The following PTPRT variants were observed in gnomAD, a reference collection of about 807,000 sequenced individuals.
PTPRT encodes protein tyrosine phosphatase receptor type T, also known as receptor-type tyrosine-protein phosphatase T.
In PTPRT, 56 loss-of-function variants were observed where a neutral mutation model predicts 176.8. The observed-to-expected ratio is 0.32, with a 90% CI of 0.26 to 0.40. The LOEUF is 0.40. PTPRT is among the 10% of genes least tolerant of loss of function. PTPRT has a pLI of 1.00. For missense variants in PTPRT, 1,540 were observed against 1,908.2 expected (o/e 0.81, Z 3.60); for synonymous variants, 783 against 739.0 (o/e 1.06, Z -0.96).
At chr20:42,411,141 G>A (rs2059011551) in intron 9 of PTPRT, among the ~76,000 whole-genome samples, 1 of 152,090 alleles carries the variant, frequency 6.6e-6, no homozygotes, top group Admixed American at 6.6e-5. Flanking sequence ...AAAATCAAAA[G>A]CTGATTCTCT....
At chr20:42,064,334 C>T in the PTPRT span, among the ~76,000 whole-genome samples, 8 of 152,228 alleles carry the variant, frequency 5.3e-5, no homozygotes, top group South Asian at 2.1e-4. Context: ...TTTTAGTTTA[C>T]GGTAGAATTG....
intron 6 of PTPRT, among the ~76,000 whole-genome samples, chr20:42,747,285 G>A (rs1193461011): frequency 1.3e-5 from 2 of 152,144 alleles, no homozygotes; most frequent in Non-Finnish European, 2.9e-5. Context: ...TGTAAAGTAA[G>A]GACCTGAGCA....
intron 6 of PTPRT, among the ~76,000 whole-genome samples, chr20:42,713,305 C>CA (rs536272178): frequency 4.0e-5 from 6 of 151,850 alleles, no homozygotes; most frequent in East Asian, 1.9e-4. Context: ...TATATTACCA[C>CA]AAAAAAATGA....
chr20:42,532,932 T>A (rs767283837), intron 7 of PTPRT, among the ~76,000 whole-genome samples: 37 of 152,178 alleles, frequency 2.4e-4, no homozygotes, highest in Non-Finnish European at 4.0e-4. Flanking sequence ...GAGCTAGTTA[T>A]GCAAGTCGTT....
chr20:42,659,882 A>G (rs547361379), intron 7 of PTPRT, among the ~76,000 whole-genome samples: 2 of 152,254 alleles, frequency 1.3e-5, no homozygotes, highest in East Asian at 3.9e-4. Flanking sequence ...TGTCTGGTTA[A>G]TCCAAGATTC....
At chr20:43,081,265 GA>G (rs1217835200) in intron 1 of PTPRT, among the ~76,000 whole-genome samples, 2 of 152,192 alleles carry the variant, frequency 1.3e-5, no homozygotes, top group Non-Finnish European at 2.9e-5. Context: ...GGGAGGAGGA[GA>G]AAGTTTTTGC....
chr20:42,218,011 G>T (rs1347079261), intron 15 of PTPRT, among the ~76,000 whole-genome samples: 1 of 152,232 alleles, frequency 6.6e-6, no homozygotes, highest in Non-Finnish European at 1.5e-5. Context: ...GAACAGGTGG[G>T]ATTTGAGCCT....
chr20:43,140,630 A>G (rs187765321), intron 1 of PTPRT, among the ~76,000 whole-genome samples: 22 of 152,014 alleles, frequency 1.4e-4, no homozygotes, highest in African/African-American at 5.3e-4. Context: ...AGCTCATCCT[A>G]TTTCACTTCA....
At chr20:42,511,901 G>A (rs934459079) in intron 7 of PTPRT, among the ~76,000 whole-genome samples, 21 of 152,124 alleles carry the variant, frequency 1.4e-4, no homozygotes, top group Non-Finnish European at 2.6e-4. Context: ...AACTTAGAAC[G>A]TATAGTGTGT....
the PTPRT span, among the ~76,000 whole-genome samples, chr20:42,048,089 G>A: frequency 6.6e-6 from 1 of 152,274 alleles, no homozygotes; most frequent in Middle Eastern, 3.4e-3. Context: ...TTCAACTGAT[G>A]GCCAGCTCCT....
intron 2 of PTPRT, among the ~76,000 whole-genome samples, chr20:42,807,097 G>C (rs2077621651): frequency 1.3e-5 from 2 of 152,172 alleles, no homozygotes; most frequent in Admixed American, 1.3e-4. Flanking sequence ...AAAGGTGGGA[G>C]GAAAACAATA....
intron 7 of PTPRT, among the ~76,000 whole-genome samples, chr20:42,673,105 A>C (rs2075440521): frequency 6.6e-6 from 1 of 152,218 alleles, no homozygotes; most frequent in South Asian, 2.1e-4. Flanking sequence ...TTGTGGGCAG[A>C]GGAGGTCCCC....
rs1186119232 is a variant in PTPRT, at chr20:42,951,320, G to A, written c.89-65388C>T. ...GATGATGGATGAGTAGATGGGGGATGAGTGGATGGATGGGCAGATGAATGG... is the reference window on the plus strand; with the variant it reads ...GATGATGGATGAGTAGATGGGGGATAAGTGGATGGATGGGCAGATGAATGG... On this transcript the variant is annotated intron_variant, in intron 1 of 30. Coordinates refer to ENST00000373187, the MANE Select transcript of PTPRT (RefSeq NM_007050.6). Among the ~76,000 whole-genome samples the A allele has an allele frequency of 2.0e-5, 3 of 151,826 alleles. 1 individual carries two copies. The highest frequency in any genetic ancestry group is 2.0e-4 in the Admixed American group (3 of 15,242).
Position 42,603,789 on chromosome 20 carries a change from C to T in PTPRT, c.1153+74077G>A, listed in dbSNP as rs192494058. 6.6e-5 allele frequency among the ~76,000 whole-genome samples: 10 copies of T among 152,212 alleles called. No homozygotes were observed. In the East Asian group the frequency reaches 1.9e-3, roughly 29 times the overall value. Reference sequence around the variant, plus strand: ...GACAAGAATGACATTTCTTCTTTATCCCCGTAGATGTGTTTCCCAAGACAT... The same window carrying T: ...GACAAGAATGACATTTCTTCTTTATTCCCGTAGATGTGTTTCCCAAGACAT... On this transcript the variant is annotated intron_variant, in intron 7 of 30. Transcript: ENST00000373187.
chr20:42,622,265 G>T (rs1020370748), intron 7 of PTPRT, among the ~76,000 whole-genome samples: 10 of 148,836 alleles, frequency 6.7e-5, no homozygotes, highest in Non-Finnish European at 1.5e-5. Flanking sequence ...TTTTTGAGAC[G>T]GAGTCTCACT....
chr20:43,146,648 C>G (rs1372882601), intron 1 of PTPRT, among the ~76,000 whole-genome samples: 1 of 152,072 alleles, frequency 6.6e-6, no homozygotes, highest in Non-Finnish European at 1.5e-5. Flanking sequence ...AAAAGACTGT[C>G]TGGGGGTACT....
At chr20:42,796,592 G>A (rs1370297139) in intron 2 of PTPRT, among the ~76,000 whole-genome samples, 3 of 152,258 alleles carry the variant, frequency 2.0e-5, no homozygotes, top group Non-Finnish European at 4.4e-5. Flanking sequence ...GAGCTGTACA[G>A]CCACAGAAGT....
chr20:43,000,220 C>T (rs1386295227), intron 1 of PTPRT, among the ~76,000 whole-genome samples: 1 of 151,908 alleles, frequency 6.6e-6, no homozygotes, highest in African/African-American at 2.4e-5. Context: ...CAGAGATAGC[C>T]CTTATTTCTG....
chr20:42,822,874 T>G (rs538756508), intron 2 of PTPRT, among the ~76,000 whole-genome samples: 7 of 152,108 alleles, frequency 4.6e-5, no homozygotes, highest in Non-Finnish European at 1.0e-4. Context: ...GAATGGTGAT[T>G]ATTAAAAAGT....
Sources: gnomAD v4.1 joint callset for allele counts (sites outside exome capture counted in the v4.1 genomes callset) on GRCh38, gnomAD v4.1.1 for gene constraint, MANE v1.5 for transcripts, NCBI Gene and HGNC (gene_info 2026-07-23, HGNC 2026-07-21) for gene names.